PAPSS1: variants seen among roughly 807,000 people sequenced by gnomAD.
The protein encoded by PAPSS1 is bifunctional 3'-phosphoadenosine 5'-phosphosulfate synthase 1.
In PAPSS1, 50 loss-of-function variants were observed where a neutral mutation model predicts 72.0. That is an observed-to-expected ratio of 0.69 (90% CI 0.55 to 0.88). The LOEUF is 0.88. Ranked by LOEUF, PAPSS1 falls within the 40% of genes least tolerant of loss-of-function variation. The probability of loss-of-function intolerance (pLI) is 0.00; values close to 1 mark genes in which losing one functional copy is unlikely to be tolerated. For missense variants in PAPSS1, 657 were observed against 782.2 expected (o/e 0.84, Z 1.91); for synonymous variants, 261 against 263.6 (o/e 0.99, Z 0.09).
At chr4:107,617,353 C>T (rs1158593604) in intron 11 of PAPSS1, among the ~76,000 whole-genome samples, 1 of 151,980 alleles carries the variant, frequency 6.6e-6, no homozygotes, top group Non-Finnish European at 1.5e-5. Flanking sequence ...CTGTTAGCTC[C>T]AATTCTGGCC....
In PAPSS1 at chr4:107,653,640, C is replaced by G. The variant is rs35331233; in HGVS notation, c.1102-14G>C. 2.8e-4 allele frequency: 444 copies of G among 1,604,602 alleles called. 1 individual carries two copies. In the African/African-American group the frequency reaches 5.3e-3, roughly 19 times the overall value. The stretch of plus-strand genomic sequence containing the variant: ...TTCCATCACCATCTAATAGGAAAAA[C>G]AAATTTTTTTAATGGAAACCGAGAT... On this transcript the variant is annotated splice_polypyrimidine_tract_variant and intron_variant, in intron 8 of 11. Transcript: ENST00000265174.
intron 1 of PAPSS1, chr4:107,719,736 A>T: frequency 1.1e-6 from 1 of 944,142 alleles, no homozygotes; most frequent in Non-Finnish European, 1.3e-6. Context: ...TCTTCAGGCC[A>T]CTCCAAGGTA....
At chr4:107,679,158 T>C (rs1285525083) in intron 5 of PAPSS1, among the ~76,000 whole-genome samples, 1 of 152,072 alleles carries the variant, frequency 6.6e-6, no homozygotes, top group Non-Finnish European at 1.5e-5. Context: ...CGCCTAAGAC[T>C]GAAGGTGGGC....
rs567245981 is a variant in PAPSS1 at position 107,676,902 on chromosome 4, T to C, written c.669+5113A>G. Among the ~76,000 whole-genome samples the C allele has an allele frequency of 2.0e-4, 31 of 152,294 alleles. No individual in the cohort carries two copies. The South Asian group carries it at 6.2e-3, about 31-fold the overall frequency. On this transcript the variant is annotated intron_variant, in intron 5 of 11. Coordinates refer to ENST00000265174, the MANE Select transcript of PAPSS1 (RefSeq NM_005443.5). ...GCCACATATCTACACCCATCTGATCTTTGACAAACATGACAAAAATAAGAA... is the reference window on the plus strand; with the variant it reads ...GCCACATATCTACACCCATCTGATCCTTGACAAACATGACAAAAATAAGAA...
At chr4:107,637,345 G>A (rs1578389951) in intron 10 of PAPSS1, among the ~76,000 whole-genome samples, 1 of 151,960 alleles carries the variant, frequency 6.6e-6, no homozygotes, top group South Asian at 2.1e-4. Flanking sequence ...AAAGACTTCG[G>A]TAAATTTTAT....
intron 5 of PAPSS1, among the ~76,000 whole-genome samples, chr4:107,672,917 C>G (rs2034681105): frequency 6.6e-6 from 1 of 152,236 alleles, no homozygotes. Flanking sequence ...ATCCGCTGTT[C>G]TGCAGCCTCC....
chr4:107,688,050 C>A (rs1301276752), intron 3 of PAPSS1, among the ~76,000 whole-genome samples: 2 of 151,926 alleles, frequency 1.3e-5, no homozygotes, highest in African/African-American at 4.8e-5. Context: ...TCTTCTCTGT[C>A]ATACAAATTT....
chr4:107,698,211 T>C (rs1194276115), intron 2 of PAPSS1, among the ~76,000 whole-genome samples: 3 of 152,022 alleles, frequency 2.0e-5, no homozygotes, highest in Admixed American at 6.6e-5. Flanking sequence ...CAAAACAGCA[T>C]ACAAAAATCA....
intron 1 of PAPSS1, among the ~76,000 whole-genome samples, chr4:107,710,484 T>C (rs535194396): frequency 2.7e-5 from 4 of 149,098 alleles, no homozygotes; most frequent in Admixed American, 2.1e-4. Context: ...ACTATGAGTG[T>C]CCTGCTCGGG....
chr4:107,620,546 G>C (rs78942526), intron 11 of PAPSS1, among the ~76,000 whole-genome samples: 4,531 of 152,268 alleles, frequency 0.03, 220 homozygotes, highest in African/African-American at 0.1. Flanking sequence ...ATAAAGGCTA[G>C]AGTGTGGCAC....
At position 107,644,922 on chromosome 4, in the gene PAPSS1, A is replaced by G. The variant is rs966436032; in HGVS notation, c.1386T>C (p.Asp462=). The G allele has an allele frequency of 5.0e-6, 8 of 1,613,986 alleles. No individual in the cohort carries two copies. The highest frequency in any genetic ancestry group is 6.8e-6 in the Non-Finnish European group (8 of 1,179,982). Residue 462 remains aspartate, a synonymous_variant, in exon 10 of 12, where the codon GAT becomes GAC. Coordinates refer to ENST00000265174, the MANE Select transcript of PAPSS1 (RefSeq NM_005443.5). ...GCTTCATACGCCACATCAAAGGAAC[A>G]TCGTCATCCTTTGTCCAGCCACCCA... ...HPLGGWTKDD[D]VPLMWRMKQH... is the part of the protein sequence containing the mutation.
At chr4:107,693,703 T>C in intron 3 of PAPSS1, 68 bp downstream of exon 3, 1 of 1,093,850 alleles carries the variant, frequency 9.1e-7, no homozygotes, top group African/African-American at 1.5e-5. Context: ...GTTTAAAGTA[T>C]GTGCTTTGCC....
intron 5 of PAPSS1, among the ~76,000 whole-genome samples, chr4:107,663,128 T>C (rs1727230827): frequency 6.6e-6 from 1 of 152,158 alleles, no homozygotes; most frequent in Non-Finnish European, 1.5e-5. Context: ...AGGAAGAGTA[T>C]GATACACTTT....
chr4:107,680,392 T>TA (rs58785128), intron 5 of PAPSS1, among the ~76,000 whole-genome samples: 16 of 150,906 alleles, frequency 1.1e-4, no homozygotes, highest in Non-Finnish European at 2.1e-4. Flanking sequence ...TGAAGCAAGT[T>TA]AAAAAAAAAT....
chr4:107,669,444 A>G (rs998699842), intron 5 of PAPSS1, among the ~76,000 whole-genome samples: 4 of 152,226 alleles, frequency 2.6e-5, no homozygotes, highest in Admixed American at 2.6e-4. Context: ...ATGAATCTAT[A>G]TATGCTCATT....
intron 2 of PAPSS1, among the ~76,000 whole-genome samples, chr4:107,700,941 A>G (rs1259689231): frequency 6.6e-6 from 1 of 152,174 alleles, no homozygotes; most frequent in African/African-American, 2.4e-5. Context: ...GCTATCTATG[A>G]AAAAGTAGTT....
Position 107,644,158 on chromosome 4 carries a change from C to T in PAPSS1, c.1506+644G>A, listed in dbSNP as rs572435720. On this transcript the variant is annotated intron_variant, in intron 10 of 11. Transcript: ENST00000265174. ...GAATCTGAGGCCAGGGAAGGACTTGCTGCAGCTAGCATATTGACACGGTTC... is the reference window on the plus strand; with the variant it reads ...GAATCTGAGGCCAGGGAAGGACTTGTTGCAGCTAGCATATTGACACGGTTC... Among the ~76,000 whole-genome samples the T allele has an allele frequency of 2.6e-5, 4 of 152,276 alleles. No homozygotes were observed. The East Asian group carries it at 7.7e-4, about 29-fold the overall frequency.
chr4:107,661,566 A>C (rs1727182313), intron 5 of PAPSS1, among the ~76,000 whole-genome samples: 1 of 152,226 alleles, frequency 6.6e-6, no homozygotes, highest in South Asian at 2.1e-4. Flanking sequence ...GCTAAGTGAA[A>C]ATAGCCAATC....
At chr4:107,640,652 T>C (rs899956370) in intron 10 of PAPSS1, among the ~76,000 whole-genome samples, 13 of 152,174 alleles carry the variant, frequency 8.5e-5, no homozygotes, top group Admixed American at 2.6e-4. Context: ...AAGATACTTT[T>C]CCTAAGCAGC....
Sources: allele counts gnomAD v4.1 joint callset (sites outside exome capture counted in the v4.1 genomes callset), GRCh38; gene constraint gnomAD v4.1.1; transcripts MANE v1.5; gene names NCBI Gene and HGNC (gene_info 2026-07-23, HGNC 2026-07-21).